Variants in SLC2A13 observed in about 807,000 individuals in gnomAD.
SLC2A13 encodes the protein proton myo-inositol cotransporter.
A neutral mutation model predicts 64.4 loss-of-function variants in SLC2A13; 32 were observed. The ratio of observed to expected loss-of-function variants is 0.50; its 90% CI spans 0.37 to 0.67. SLC2A13 has a LOEUF of 0.67. SLC2A13 is among the 30% of genes least tolerant of loss of function. The probability of loss-of-function intolerance (pLI) is 0.00; values close to 1 mark genes in which losing one functional copy is unlikely to be tolerated. For synonymous variants in SLC2A13, 338 were observed against 327.1 expected, an observed-to-expected ratio of 1.03 and a Z score of -0.36; for missense variants, 743 against 829.2, an observed-to-expected ratio of 0.90 and a Z score of 1.28.
intron 3 of SLC2A13, among the ~76,000 whole-genome samples, chr12:40,015,084 A>G (rs1018550437): frequency 2.0e-5 from 3 of 152,174 alleles, no homozygotes; most frequent in Non-Finnish European, 4.4e-5. Context: ...CTCACATTAT[A>G]TATGACTAGT....
At chr12:40,018,356 A>G (rs1947655035) in intron 3 of SLC2A13, among the ~76,000 whole-genome samples, 1 of 152,232 alleles carries the variant, frequency 6.6e-6, no homozygotes, top group Non-Finnish European at 1.5e-5. Context: ...AGGATAATGC[A>G]TCAAAATTAA....
intron 7 of SLC2A13, among the ~76,000 whole-genome samples, chr12:39,770,528 G>C (rs934468189): frequency 6.6e-6 from 1 of 152,128 alleles, no homozygotes; most frequent in Non-Finnish European, 1.5e-5. Context: ...GTAGAACCTT[G>C]AGTTTAGCGG....
chr12:39,999,996 G>A (rs911005354), intron 3 of SLC2A13, among the ~76,000 whole-genome samples: 10 of 152,110 alleles, frequency 6.6e-5, no homozygotes, highest in Admixed American at 5.9e-4. Flanking sequence ...CAGCCAGCTG[G>A]CACTTATGGA....
chr12:40,028,268 T>C, intron 3 of SLC2A13, 33 bp downstream of exon 3: 3 of 1,544,830 alleles, frequency 1.9e-6, no homozygotes, highest in Non-Finnish European at 2.7e-6. Flanking sequence ...ACTGTATAGT[T>C]TTTAAATTCA....
At chr12:40,090,046 T>G (rs1039055446) in intron 1 of SLC2A13, among the ~76,000 whole-genome samples, 2 of 152,192 alleles carry the variant, frequency 1.3e-5, no homozygotes, top group African/African-American at 4.8e-5. Flanking sequence ...TTTTGCTCAC[T>G]TATTTTGTTT....
At chr12:39,819,132 T>C (rs1942420094) in intron 7 of SLC2A13, among the ~76,000 whole-genome samples, 1 of 152,182 alleles carries the variant, frequency 6.6e-6, no homozygotes. Flanking sequence ...GTTGAAATTG[T>C]TTAGTAAATG....
chr12:39,859,146 G>A (rs906481689), intron 6 of SLC2A13, among the ~76,000 whole-genome samples: 1 of 152,052 alleles, frequency 6.6e-6, no homozygotes, highest in African/African-American at 2.4e-5. Context: ...GCCACAGTTT[G>A]TCAATTTGGA....
At chr12:39,858,750 G>A (rs980191139) in intron 6 of SLC2A13, among the ~76,000 whole-genome samples, 3 of 152,064 alleles carry the variant, frequency 2.0e-5, no homozygotes, top group East Asian at 1.9e-4. Context: ...GGGATTATAG[G>A]AGCCTGCCAC....
chr12:39,921,957 G>T (rs980983119), intron 4 of SLC2A13, among the ~76,000 whole-genome samples: 2 of 151,268 alleles, frequency 1.3e-5, no homozygotes, highest in African/African-American at 2.5e-5. Context: ...AAGCATCAAG[G>T]TATGCAAGGT....
chr12:39,845,630 G>C (rs2135883548), intron 6 of SLC2A13, among the ~76,000 whole-genome samples: 1 of 152,210 alleles, frequency 6.6e-6, no homozygotes, highest in East Asian at 1.9e-4. Flanking sequence ...CATTTGGTTG[G>C]AAGTTGTGTT....
intron 3 of SLC2A13, among the ~76,000 whole-genome samples, chr12:39,994,338 G>T (rs150075187): frequency 6.7e-6 from 1 of 149,100 alleles, no homozygotes; most frequent in Non-Finnish European, 1.5e-5. Flanking sequence ...AGCCGAGATT[G>T]TGCCACTGTA....
In SLC2A13 at chr12:39,997,019, G is replaced by A. The variant is rs943463577; in HGVS notation, c.925+31282C>T. Reference sequence around the variant, plus strand: ...CAAAATACCACCATCATTCTTCACAGAGTTAGAAAAAACAATTCTAAAATT... The same window carrying A: ...CAAAATACCACCATCATTCTTCACAAAGTTAGAAAAAACAATTCTAAAATT... On this transcript the variant is annotated intron_variant, in intron 3 of 9. Coordinates refer to ENST00000280871, the MANE Select transcript of SLC2A13 (RefSeq NM_052885.4). 2.0e-5 allele frequency among the ~76,000 whole-genome samples: 3 copies of A among 152,058 alleles called. No individual in the cohort carries two copies. The South Asian group carries it at 6.2e-4, about 32-fold the overall frequency.
At chr12:39,771,005 G>A (rs2135723926) in intron 7 of SLC2A13, among the ~76,000 whole-genome samples, 1 of 152,066 alleles carries the variant, frequency 6.6e-6, no homozygotes, top group Non-Finnish European at 1.5e-5. Context: ...TACCTCAAAA[G>A]GCTATTTTGA....
chr12:39,971,598 C>T (rs1946646560), intron 3 of SLC2A13, among the ~76,000 whole-genome samples: 2 of 152,038 alleles, frequency 1.3e-5, no homozygotes, highest in East Asian at 1.9e-4. Flanking sequence ...CAGTTGCTTC[C>T]TCCCATTACC....
Position 39,904,430 on chromosome 12 carries a change from G to A in SLC2A13, c.1035-32469C>T, listed in dbSNP as rs1350047900. Among the ~76,000 whole-genome samples the A allele has an allele frequency of 3.3e-5, 5 of 152,194 alleles. No homozygotes were observed. The East Asian group carries it at 5.8e-4, about 18-fold the overall frequency. ...CTCCAGGCAAAAGCAAACCTTGTGA[G>A]CAGGTCTTTCTAAGGACAGTAGTCC... On this transcript the variant is annotated intron_variant, in intron 4 of 9. Transcript: ENST00000280871.
At chr12:39,800,050 T>C (rs1941729899) in intron 7 of SLC2A13, among the ~76,000 whole-genome samples, 1 of 152,174 alleles carries the variant, frequency 6.6e-6, no homozygotes, top group Admixed American at 6.5e-5. Context: ...CAAGTAAACA[T>C]ATATGTAATG....
intron 3 of SLC2A13, among the ~76,000 whole-genome samples, chr12:39,966,651 T>C (rs945993801): frequency 4.6e-5 from 7 of 152,156 alleles, no homozygotes; most frequent in African/African-American, 9.7e-5. Context: ...AGCACTCCTA[T>C]TGATCATCCC....
rs998075645 is a variant in SLC2A13, at chr12:39,759,806, A to G, written c.*220T>C. ...TACACACATTTGCTTAAGAATTATTAGATTAAAATCTCTGTAAATATTTTT... is the reference window on the plus strand; with the variant it reads ...TACACACATTTGCTTAAGAATTATTGGATTAAAATCTCTGTAAATATTTTT... On this transcript the variant is annotated 3_prime_UTR_variant, in exon 10 of 10. Coordinates refer to ENST00000280871, the MANE Select transcript of SLC2A13 (RefSeq NM_052885.4). 2.4e-5 allele frequency: 12 copies of G among 510,580 alleles called. No individual in the cohort carries two copies. The highest frequency in any genetic ancestry group is 1.1e-4 in the Admixed American group (3 of 27,478). The allele number at this position is 510,580 out of a possible 1,614,324, so 31.6% of individuals were successfully genotyped here.
chr12:39,855,043 G>C (rs1290490768), intron 6 of SLC2A13, among the ~76,000 whole-genome samples: 1 of 152,104 alleles, frequency 6.6e-6, no homozygotes, highest in Non-Finnish European at 1.5e-5. Context: ...TAGGAAGGTA[G>C]GCAGTAAACT....
Sources: gnomAD v4.1 joint callset for allele counts (sites outside exome capture counted in the v4.1 genomes callset) on GRCh38, gnomAD v4.1.1 for gene constraint, MANE v1.5 for transcripts, NCBI Gene and HGNC (gene_info 2026-07-23, HGNC 2026-07-21) for gene names.